MCF2: variants seen among roughly 807,000 people sequenced by gnomAD.
MCF2 encodes the protein proto-oncogene DBL.
MCF2 carries 44 observed loss-of-function variants against 82.5 expected under a neutral mutation model. The ratio of observed to expected loss-of-function variants is 0.53; its 90% CI spans 0.42 to 0.69. MCF2 has a LOEUF of 0.69. Ranked by LOEUF, MCF2 falls within the 30% of genes least tolerant of loss-of-function variation. The pLI is 0.00. For synonymous variants in MCF2, 217 were observed against 224.9 expected, an observed-to-expected ratio of 0.96 and a Z score of 0.32; for missense variants, 623 against 663.1, an observed-to-expected ratio of 0.94 and a Z score of 0.66.
At chrX:139,629,829 C>T (rs187282275) in exon 4 of MCF2, 1 of 1,205,606 alleles carries the variant, frequency 8.3e-7, no homozygotes, top group African/African-American at 1.8e-5. Context: ...ACTGTGAGGG[C>T]AAAATTTTCT....
At chrX:139,701,885 G>C (rs1159987343) in intron 1 of MCF2, among the ~76,000 whole-genome samples, 3 of 112,337 alleles carry the variant, frequency 2.7e-5, no homozygotes, top group African/African-American at 9.7e-5. Flanking sequence ...AAGACAAACA[G>C]TGAAAATGAT....
At chrX:139,605,872 G>T in intron 12 of MCF2, 93 bp from the exon 17 acceptor site, 2 of 645,505 alleles carry the variant, frequency 3.1e-6, no homozygotes, top group Non-Finnish European at 2.3e-6. Context: ...GGTAAAAATA[G>T]CTAATGCATA....
chrX:139,589,582 G>C (rs941698675), intron 20 of MCF2, among the ~76,000 whole-genome samples: 1 of 111,581 alleles, frequency 9.0e-6, no homozygotes, highest in Non-Finnish European at 1.9e-5. Context: ...CTGCCAAGCT[G>C]TCAGCTCTAG....
chrX:139,700,701 C>T (rs1465733276), intron 1 of MCF2, among the ~76,000 whole-genome samples: 1 of 112,300 alleles, frequency 8.9e-6, no homozygotes, highest in African/African-American at 3.2e-5. Flanking sequence ...TTCCTTCCTT[C>T]CCTTCCCTTC....
chrX:139,658,537 C>T (rs750162386), intron 1 of MCF2, among the ~76,000 whole-genome samples: 15 of 110,246 alleles, frequency 1.4e-4, no homozygotes, highest in African/African-American at 5.0e-4. Flanking sequence ...CAGTTATTAA[C>T]AAGGAAACTT....
At chrX:139,594,358 G>C (rs1217085697) in intron 19 of MCF2, among the ~76,000 whole-genome samples, 1 of 111,482 alleles carries the variant, frequency 9.0e-6, no homozygotes, top group African/African-American at 3.3e-5. Context: ...AAACAGCATG[G>C]TACTGGTGCC....
At chrX:139,691,953 T>C in intron 1 of MCF2, 1 of 1,164,664 alleles carries the variant, frequency 8.6e-7, no homozygotes, top group Non-Finnish European at 1.1e-6. Flanking sequence ...GAGGTAGTTC[T>C]TCCCGTACTT....
At chrX:139,600,381 T>C (rs1323034187) in intron 16 of MCF2, among the ~76,000 whole-genome samples, 2 of 111,573 alleles carry the variant, frequency 1.8e-5, no homozygotes, top group Non-Finnish European at 3.8e-5. Flanking sequence ...CCACACCACT[T>C]TGCACAGCTG....
intron 2 of MCF2, among the ~76,000 whole-genome samples, 154 bp from the exon 6 acceptor site, chrX:139,631,665 C>T (rs1009008085): frequency 3.6e-5 from 4 of 111,600 alleles, no homozygotes; most frequent in South Asian, 7.5e-4. Context: ...TACATGTATG[C>T]GCTACCTTCT....
chrX:139,683,214 G>A (rs948280147), intron 1 of MCF2, among the ~76,000 whole-genome samples: 2 of 112,763 alleles, frequency 1.8e-5, no homozygotes, highest in East Asian at 2.8e-4. Context: ...AATTACAGGC[G>A]AGAGCCACCG....
intron 19 of MCF2, among the ~76,000 whole-genome samples, chrX:139,593,802 T>C (rs1603275755): frequency 9.0e-6 from 1 of 111,049 alleles, no homozygotes; most frequent in South Asian, 3.9e-4. Flanking sequence ...ATTATCTCAA[T>C]AGAAATATTA....
At chrX:139,591,990 C>G (rs73573952) in intron 19 of MCF2, among the ~76,000 whole-genome samples, 1,803 of 111,051 alleles carry the variant, frequency 0.016, 33 homozygotes, top group African/African-American at 0.055. Flanking sequence ...AACCCAGATT[C>G]TTAAATAACA....
intron 1 of MCF2, among the ~76,000 whole-genome samples, chrX:139,652,370 T>A (rs1372598425): frequency 9.0e-6 from 1 of 111,473 alleles, no homozygotes; most frequent in African/African-American, 3.3e-5. Flanking sequence ...CTCTAAACCT[T>A]AGTTTCCTCA....
At chrX:139,595,962 T>C (rs975669091) in intron 19 of MCF2, among the ~76,000 whole-genome samples, 3 of 110,510 alleles carry the variant, frequency 2.7e-5, no homozygotes, top group African/African-American at 9.9e-5. Context: ...GGATTTTGTT[T>C]ATAGGAGAGA....
At chrX:139,673,911 T>C (rs1442588812) in intron 1 of MCF2, among the ~76,000 whole-genome samples, 1 of 111,567 alleles carries the variant, frequency 9.0e-6, no homozygotes, top group Non-Finnish European at 1.9e-5. Context: ...ATATTGACAG[T>C]GGGGTGTTAA....
rs755373509 is a variant in MCF2, at chrX:139,588,458, C to T, written c.2371-20G>A. 26 of 1,024,138 alleles carry T rather than the reference C, an allele frequency of 2.5e-5. No individual in the cohort carries two copies. The highest frequency in any genetic ancestry group is 3.0e-5 in the Non-Finnish European group (22 of 732,364). The allele number at this position is 1,024,138 out of a possible 1,213,427, so 84.4% of individuals were successfully genotyped here. The stretch of plus-strand genomic sequence containing the variant: ...AGAAGCCTAAAGATTAAAAAAAAAG[C>T]GGGAGGGAGGTGGTACACATTTCCT... On this transcript the variant is annotated intron_variant, in intron 20 of 24. Transcript: ENST00000370576.
At chrX:139,676,323 G>A (rs754550617) in intron 1 of MCF2, among the ~76,000 whole-genome samples, 7 of 111,741 alleles carry the variant, frequency 6.3e-5, no homozygotes, top group East Asian at 5.7e-4. Context: ...CCCTCCATGC[G>A]CTGCACCCAC....
intron 1 of MCF2, among the ~76,000 whole-genome samples, chrX:139,673,722 T>A (rs1278865361): frequency 1.8e-5 from 2 of 111,788 alleles, no homozygotes; most frequent in Non-Finnish European, 3.8e-5. Context: ...TGCTGAGGAG[T>A]GCTTTACTTC....
At chrX:139,627,045 C>A (rs1932776668) in intron 4 of MCF2, among the ~76,000 whole-genome samples, 1 of 112,001 alleles carries the variant, frequency 8.9e-6, no homozygotes, top group African/African-American at 3.2e-5. Flanking sequence ...TAGCCTCCTT[C>A]TCTAACTGGT....
Sources: allele counts gnomAD v4.1 joint callset (sites outside exome capture counted in the v4.1 genomes callset), GRCh38; gene constraint gnomAD v4.1.1; transcripts MANE v1.5; gene names NCBI Gene and HGNC (gene_info 2026-07-23, HGNC 2026-07-21).